PCDHA2: variants seen among roughly 807,000 people sequenced by gnomAD.
PCDHA2 encodes the protein protocadherin alpha 2.
A neutral mutation model predicts 66.0 loss-of-function variants in PCDHA2; 58 were observed. The ratio of observed to expected loss-of-function variants is 0.88; its 90% CI spans 0.71 to 1.09. PCDHA2 has a LOEUF of 1.09. Among genes scored for constraint, PCDHA2 ranks in the 50% least tolerant of loss-of-function variants. The probability of loss-of-function intolerance (pLI) is 0.00; values close to 1 mark genes in which losing one functional copy is unlikely to be tolerated. For missense variants in PCDHA2, 1,267 were observed against 1,242.3 expected, an observed-to-expected ratio of 1.02 and a Z score of -0.30; for synonymous variants, 634 against 554.0, an observed-to-expected ratio of 1.14 and a Z score of -2.03.
chr5:140,822,962 T>C, intron 1 of PCDHA2: 1 of 1,614,240 alleles, frequency 6.2e-7, no homozygotes, highest in East Asian at 2.2e-5. Flanking sequence ...CCCTTCAAGC[T>C]GGTGTCCACC....
chr5:140,824,612 T>TG (rs1423222096), intron 1 of PCDHA2: 8 of 117,268 alleles, frequency 6.8e-5, no homozygotes, highest in African/African-American at 3.2e-4. Context: ...TAATTAAAGT[T>TG]TTTTTTTTTT....
intron 1 of PCDHA2, among the ~76,000 whole-genome samples, chr5:140,887,243 C>T (rs950171388): frequency 6.0e-4 from 91 of 152,060 alleles, no homozygotes; most frequent in Non-Finnish European, 1.2e-3. Context: ...ACTACCGGCG[C>T]CCGCCACCAC....
intron 1 of PCDHA2, chr5:140,842,506 C>T: frequency 6.2e-7 from 1 of 1,613,804 alleles, no homozygotes; most frequent in South Asian, 1.1e-5. Context: ...ATGTCCCCTT[C>T]AAGCTGGTGT....
intron 1 of PCDHA2, chr5:140,850,309 C>G (rs781788388): frequency 6.3e-7 from 1 of 1,596,972 alleles, no homozygotes; most frequent in East Asian, 2.2e-5. Flanking sequence ...GGCTACAACG[C>G]GTGGCTTTCA....
chr5:140,841,854 T>C (rs2150324158), intron 1 of PCDHA2: 6 of 1,613,730 alleles, frequency 3.7e-6, no homozygotes, highest in Non-Finnish European at 5.1e-6. Context: ...CATGATTACT[T>C]CATGCTAGAT....
chr5:140,864,342 C>A (rs1374000781), intron 1 of PCDHA2: 2 of 152,062 alleles, frequency 1.3e-5, no homozygotes, highest in African/African-American at 4.8e-5. Context: ...GAGTTTAAAA[C>A]ATGTTTAAAT....
intron 1 of PCDHA2, among the ~76,000 whole-genome samples, chr5:140,940,491 C>A (rs1554213409): frequency 6.6e-6 from 1 of 151,752 alleles, no homozygotes; most frequent in Admixed American, 6.6e-5. Context: ...CAAGACAAGT[C>A]TTGCTCCGTC....
intron 3 of PCDHA2, 63 bp downstream of exon 3, chr5:140,982,626 T>C (rs782343298): frequency 2.5e-5 from 39 of 1,581,800 alleles, no homozygotes; most frequent in Non-Finnish European, 2.8e-5. Context: ...TGACCTACTT[T>C]TGTAAGATCA....
intron 1 of PCDHA2, among the ~76,000 whole-genome samples, chr5:140,818,885 A>G (rs1461163389): frequency 6.6e-6 from 1 of 152,236 alleles, no homozygotes; most frequent in African/African-American, 2.4e-5. Context: ...CTGAGATTGC[A>G]TCTCTTGAAT....
intron 3 of PCDHA2, among the ~76,000 whole-genome samples, chr5:140,994,753 G>A (rs143791883): frequency 1.1e-4 from 16 of 152,252 alleles, no homozygotes; most frequent in African/African-American, 3.9e-4. Context: ...AGTAGGATGT[G>A]GAGAGGAAGA....
chr5:140,877,606 G>A, intron 1 of PCDHA2: 1 of 1,613,888 alleles, frequency 6.2e-7, no homozygotes, highest in Non-Finnish European at 8.5e-7. Flanking sequence ...CAGCCTGCTG[G>A]TGCTCACGCT....
chr5:140,811,588 A>G (rs1554125774), intron 1 of PCDHA2: 2 of 152,200 alleles, frequency 1.3e-5, no homozygotes. Flanking sequence ...GTCTTCCACA[A>G]TGGTTGAACT....
At chr5:140,831,638 T>C (rs2150196472) in intron 1 of PCDHA2, among the ~76,000 whole-genome samples, 19 of 151,546 alleles carry the variant, frequency 1.3e-4, no homozygotes, top group African/African-American at 4.6e-4. Flanking sequence ...ACTAAGATTA[T>C]AGGTGTGAGC....
At chr5:140,871,659 T>C (rs2153275031) in intron 1 of PCDHA2, 1 of 1,218,398 alleles carries the variant, frequency 8.2e-7, no homozygotes, top group Non-Finnish European at 1.1e-6. Context: ...GATACACATC[T>C]TCAGTCTTTT....
intron 3 of PCDHA2, among the ~76,000 whole-genome samples, chr5:140,991,824 A>T (rs1326935155): frequency 1.3e-5 from 2 of 152,240 alleles, no homozygotes; most frequent in Non-Finnish European, 2.9e-5. Context: ...TTAGGCATTT[A>T]TAACGGCAGA....
In PCDHA2 at chr5:141,009,754, C is replaced by A. The variant is rs200585286; in HGVS notation, c.2664C>A (p.Ile888=). 18 of 1,614,022 alleles carry A rather than the reference C, an allele frequency of 1.1e-5. No individual in the cohort carries two copies. Among genetic ancestry groups the A allele is most frequent in the Non-Finnish European group, 1.5e-5 (18 of 1,180,034 alleles). ...GTGAGTTGCCCGACAAATTCATTAT[C>A]CCAGGATCTCCTGCAATCATCTCCA... The part of the protein sequence containing the change: ...GPGELPDKFI[I]PGSPAIISIR... The change falls in exon 4 of 4, where the codon ATC becomes ATA. Residue 888 remains isoleucine, a synonymous_variant. Coordinates refer to ENST00000526136, the MANE Select transcript of PCDHA2 (RefSeq NM_018905.3).
chr5:140,918,423 G>A (rs1450010103), intron 1 of PCDHA2, among the ~76,000 whole-genome samples: 2 of 152,076 alleles, frequency 1.3e-5, no homozygotes, highest in Admixed American at 1.3e-4. Context: ...CTTCCAGTAG[G>A]ATGTTGAATA....
chr5:140,843,048 C>T (rs1554139673), intron 1 of PCDHA2: 2 of 1,595,084 alleles, frequency 1.3e-6, no homozygotes, highest in Non-Finnish European at 1.7e-6. Context: ...ACTGGTGGCG[C>T]AGCGAGCAAG....
At chr5:140,909,926 A>G (rs781804027) in intron 1 of PCDHA2, among the ~76,000 whole-genome samples, 4 of 152,190 alleles carry the variant, frequency 2.6e-5, no homozygotes, top group Admixed American at 2.6e-4. Flanking sequence ...CCTTTCCCCA[A>G]TCACAGTTAC....
Sources: gnomAD v4.1 joint callset for allele counts (sites outside exome capture counted in the v4.1 genomes callset) on GRCh38, gnomAD v4.1.1 for gene constraint, MANE v1.5 for transcripts, NCBI Gene and HGNC (gene_info 2026-07-23, HGNC 2026-07-21) for gene names.